The following RARB variants were observed in gnomAD, a reference collection of about 807,000 sequenced individuals.
RARB encodes retinoic acid receptor beta, also known as HBV-activated protein.
A neutral mutation model predicts 51.9 loss-of-function variants in RARB; 17 were observed. The observed-to-expected ratio is 0.33, with a 90% CI of 0.22 to 0.49. The LOEUF is 0.49. Among genes scored for constraint, RARB ranks in the 20% least tolerant of loss-of-function variants. The pLI, the probability that RARB is intolerant of heterozygous loss-of-function variation, is 0.99. For missense variants in RARB, 369 were observed against 550.8 expected, an observed-to-expected ratio of 0.67 and a Z score of 3.30; for synonymous variants, 215 against 195.4, an observed-to-expected ratio of 1.10 and a Z score of -0.84.
chr3:25,130,894 A>ATACAATATTATTGATAATAT (rs1699935801), intron 3 of RARB, among the ~76,000 whole-genome samples: 1 of 42,676 alleles, frequency 2.3e-5, no homozygotes, highest in Admixed American at 3.3e-4. Flanking sequence ...ATTATTGATA[A>ATACAATATTATTGATAATAT]TATCAATATT....
intron 3 of RARB, among the ~76,000 whole-genome samples, chr3:25,080,776 T>C (rs981813632): frequency 1.3e-5 from 2 of 152,200 alleles, no homozygotes; most frequent in Admixed American, 6.5e-5. Flanking sequence ...TGCTGAGTTA[T>C]AGGAATTCTT....
intron 2 of RARB, among the ~76,000 whole-genome samples, chr3:24,861,974 C>G (rs1396615353): frequency 2.6e-5 from 4 of 152,198 alleles, no homozygotes; most frequent in African/African-American, 9.6e-5. Context: ...AGCTGTCCTG[C>G]TGACCAGGCA....
intron 3 of RARB, among the ~76,000 whole-genome samples, chr3:25,514,736 T>C (rs1324258153): frequency 6.6e-6 from 1 of 152,232 alleles, no homozygotes; most frequent in Non-Finnish European, 1.5e-5. Flanking sequence ...TGGACCCATT[T>C]AGGAGCCAGT....
intron 5 of RARB, among the ~76,000 whole-genome samples, chr3:25,391,176 T>G (rs1706943917): frequency 1.3e-5 from 2 of 152,208 alleles, no homozygotes; most frequent in South Asian, 4.1e-4. Context: ...GTGACTTCAC[T>G]TAGAGTAATG....
Position 25,386,954 on chromosome 3 carries a change from G to A in RARB, c.179-74239G>A, listed in dbSNP as rs1206982232. Among the ~76,000 whole-genome samples the A allele has an allele frequency of 4.2e-4, 64 of 152,212 alleles. 1 individual carries two copies. The highest frequency in any genetic ancestry group is 4.1e-3 in the Admixed American group (63 of 15,278). Reference sequence around the variant, plus strand: ...CGTAGGCAATTTTTCCCCTGCAAATGTGGCTTCATCTCAAGTTTGTTGTCT... The same window carrying A: ...CGTAGGCAATTTTTCCCCTGCAAATATGGCTTCATCTCAAGTTTGTTGTCT... On this transcript the variant is annotated intron_variant, in intron 5 of 11. Coordinates refer to the RARB transcript ENST00000383772.
At chr3:25,075,445 G>T (rs988103462) in intron 3 of RARB, among the ~76,000 whole-genome samples, 2 of 152,160 alleles carry the variant, frequency 1.3e-5, no homozygotes, top group Non-Finnish European at 2.9e-5. Context: ...AAAGATGGAT[G>T]CTGAGCCTGG....
intron 3 of RARB, among the ~76,000 whole-genome samples, chr3:25,522,246 G>T (rs908008199): frequency 1.3e-5 from 2 of 152,058 alleles, no homozygotes; most frequent in African/African-American, 4.8e-5. Context: ...TGGACATGTA[G>T]ACTTAAAAAT....
At chr3:25,129,891 A>C (rs896758107) in intron 3 of RARB, among the ~76,000 whole-genome samples, 1 of 152,208 alleles carries the variant, frequency 6.6e-6, no homozygotes, top group East Asian at 1.9e-4. Flanking sequence ...TTTTTGGCTG[A>C]TTAAAAATTT....
chr3:25,339,548 C>A (rs147102666), intron 5 of RARB, among the ~76,000 whole-genome samples: 1 of 151,428 alleles, frequency 6.6e-6, no homozygotes, highest in Non-Finnish European at 1.5e-5. Context: ...GTTTGTTTCT[C>A]AATTAAATTC....
chr3:24,960,203 T>C (rs1004249730), intron 2 of RARB, among the ~76,000 whole-genome samples: 2 of 152,218 alleles, frequency 1.3e-5, no homozygotes, highest in African/African-American at 4.8e-5. Flanking sequence ...AATACTTAAA[T>C]TGGAGTTTTT....
chr3:25,145,619 G>A (rs1700175841), intron 4 of RARB, among the ~76,000 whole-genome samples: 1 of 152,200 alleles, frequency 6.6e-6, no homozygotes, highest in Non-Finnish European at 1.5e-5. Flanking sequence ...GAAAAGGCAA[G>A]TGCTTGCTTA....
chr3:24,927,693 A>G (rs1302577936), intron 2 of RARB, among the ~76,000 whole-genome samples: 1 of 152,112 alleles, frequency 6.6e-6, no homozygotes, highest in Non-Finnish European at 1.5e-5. Flanking sequence ...TGATCAGCGT[A>G]TTATTATATA....
At chr3:25,341,109 C>A (rs969297504) in intron 5 of RARB, among the ~76,000 whole-genome samples, 1 of 152,222 alleles carries the variant, frequency 6.6e-6, no homozygotes, top group African/African-American at 2.4e-5. Flanking sequence ...TCTACAGCTT[C>A]TTCTGTGTTG....
chr3:25,586,016 C>T (rs371561368), intron 5 of RARB, among the ~76,000 whole-genome samples: 9 of 152,070 alleles, frequency 5.9e-5, no homozygotes, highest in South Asian at 2.1e-4. Context: ...GCAGGCCAGG[C>T]GGGGTTGAAG....
At chr3:25,364,550 T>C (rs969699661) in intron 5 of RARB, among the ~76,000 whole-genome samples, 2 of 152,150 alleles carry the variant, frequency 1.3e-5, no homozygotes, top group Non-Finnish European at 1.5e-5. Flanking sequence ...TAGACAAAGA[T>C]TCAGAGGCTG....
At chr3:25,314,809 G>A (rs183327759) in intron 5 of RARB, among the ~76,000 whole-genome samples, 17 of 152,242 alleles carry the variant, frequency 1.1e-4, no homozygotes, top group Admixed American at 3.9e-4. Context: ...GGTGGTGAGC[G>A]TAGTACCCAG....
At chr3:25,163,504 A>AATATATATATATATATATATTATATAT (rs1553638939) in intron 4 of RARB, among the ~76,000 whole-genome samples, 5 of 131,094 alleles carry the variant, frequency 3.8e-5, no homozygotes, top group African/African-American at 1.6e-4. Context: ...CCTATCTCAA[A>AATATATATATATATATATATTATATAT]ATATATATAT....
chr3:24,893,644 A>C (rs895078753), intron 2 of RARB, among the ~76,000 whole-genome samples: 1 of 151,780 alleles, frequency 6.6e-6, no homozygotes, highest in Non-Finnish European at 1.5e-5. Context: ...CTACCTCCTG[A>C]GTAGCTAGAA....
intron 5 of RARB, among the ~76,000 whole-genome samples, chr3:25,278,902 C>G (rs1677295626): frequency 6.6e-6 from 1 of 152,122 alleles, no homozygotes; most frequent in South Asian, 2.1e-4. Flanking sequence ...TAATGATTCT[C>G]AACTTATTTG....
Sources: gnomAD v4.1 joint callset for allele counts (sites outside exome capture counted in the v4.1 genomes callset) on GRCh38, gnomAD v4.1.1 for gene constraint, MANE v1.5 for transcripts, NCBI Gene and HGNC (gene_info 2026-07-23, HGNC 2026-07-21) for gene names.